Variants in RIMS2 observed in about 807,000 individuals in gnomAD.
The protein encoded by RIMS2 is regulating synaptic membrane exocytosis protein 2.
RIMS2 carries 59 observed loss-of-function variants against 174.4 expected under a neutral mutation model. The ratio of observed to expected loss-of-function variants is 0.34; its 90% CI spans 0.27 to 0.42. The LOEUF (loss-of-function observed/expected upper bound fraction) is 0.42, where lower values mean the gene tolerates loss of function less well. RIMS2 is among the 10% of genes least tolerant of loss of function. The pLI, the probability that RIMS2 is intolerant of heterozygous loss-of-function variation, is 1.00. For synonymous variants in RIMS2, 606 were observed against 572.5 expected (o/e 1.06, Z -0.84); for missense variants, 1,620 against 1,666.3 (o/e 0.97, Z 0.48).
At chr8:104,123,485 A>T (rs894273214) in intron 19 of RIMS2, among the ~76,000 whole-genome samples, 2 of 152,052 alleles carry the variant, frequency 1.3e-5, no homozygotes, top group Non-Finnish European at 2.9e-5. Context: ...GGTATTATTT[A>T]CACTAAATTT....
intron 14 of RIMS2, among the ~76,000 whole-genome samples, chr8:103,946,256 C>G (rs186822989): frequency 3.3e-4 from 51 of 152,286 alleles, no homozygotes; most frequent in African/African-American, 1.2e-3. Context: ...CTTTGGGAGG[C>G]TGAGGCAGGC....
intron 1 of RIMS2, among the ~76,000 whole-genome samples, chr8:103,570,540 T>C (rs1451972597): frequency 3.3e-5 from 5 of 152,156 alleles, no homozygotes; most frequent in Admixed American, 6.6e-5. Context: ...TAAATGTGTT[T>C]AGGGGTGGAA....
intron 2 of RIMS2, among the ~76,000 whole-genome samples, chr8:103,714,303 T>G (rs1212596823): frequency 6.6e-6 from 1 of 152,190 alleles, no homozygotes. Context: ...GATAATGTTT[T>G]ATGGAAGATA....
intron 1 of RIMS2, among the ~76,000 whole-genome samples, chr8:103,576,375 AG>A (rs1490132522): frequency 7.2e-5 from 11 of 152,246 alleles, no homozygotes; most frequent in Non-Finnish European, 1.6e-4. Context: ...ACAATAAGCC[AG>A]ATAGGTAAGA....
chr8:103,936,611 A>G (rs2081299138), exon 13 of RIMS2: 2 of 1,609,812 alleles, frequency 1.2e-6, no homozygotes, highest in Non-Finnish European at 8.5e-7. Context: ...AATGGAACCA[A>G]ACATTCATTT....
intron 19 of RIMS2, among the ~76,000 whole-genome samples, chr8:104,116,147 ATTCCTGT>A (rs2098274211): frequency 6.6e-6 from 1 of 152,200 alleles, no homozygotes; most frequent in Admixed American, 6.6e-5. Context: ...TTTCTAAAGT[ATTCCTGT>A]TAATGAAGGT....
chr8:104,033,613 T>A (rs2096447222), intron 19 of RIMS2, among the ~76,000 whole-genome samples: 2 of 151,978 alleles, frequency 1.3e-5, no homozygotes, highest in Non-Finnish European at 2.9e-5. Flanking sequence ...TGAAAATGAT[T>A]ATAGTTTTTT....
At chr8:103,684,134 G>A (rs1309480730) in intron 1 of RIMS2, among the ~76,000 whole-genome samples, 2 of 152,086 alleles carry the variant, frequency 1.3e-5, no homozygotes, top group Non-Finnish European at 2.9e-5. Flanking sequence ...AGTTGAGTGA[G>A]TTTTGACAAA....
chr8:104,221,379 A>G (rs1369438036), intron 19 of RIMS2, among the ~76,000 whole-genome samples: 1 of 152,142 alleles, frequency 6.6e-6, no homozygotes, highest in Non-Finnish European at 1.5e-5. Flanking sequence ...AGTTATTTTC[A>G]TGACTCATTT....
At chr8:104,060,011 G>A (rs993722798) in intron 19 of RIMS2, among the ~76,000 whole-genome samples, 4 of 151,866 alleles carry the variant, frequency 2.6e-5, no homozygotes, top group African/African-American at 7.3e-5. Context: ...TGTTCATCAA[G>A]GATATTGGTC....
At chr8:104,009,799 T>C (rs1420266896) in intron 17 of RIMS2, among the ~76,000 whole-genome samples, 1 of 152,184 alleles carries the variant, frequency 6.6e-6, no homozygotes. Context: ...CATTTACTTA[T>C]GACATCTTTC....
At chr8:103,903,418 A>G (rs2073656526) in intron 4 of RIMS2, among the ~76,000 whole-genome samples, 1 of 151,514 alleles carries the variant, frequency 6.6e-6, no homozygotes, top group Non-Finnish European at 1.5e-5. Context: ...AACCCAAAGT[A>G]ATGAAAAACA....
chr8:103,788,594 G>A (rs1000696236), intron 3 of RIMS2, among the ~76,000 whole-genome samples: 1 of 151,912 alleles, frequency 6.6e-6, no homozygotes, highest in African/African-American at 2.4e-5. Context: ...GGGGTCAGGG[G>A]TCAGGGACCC....
intron 1 of RIMS2, among the ~76,000 whole-genome samples, chr8:103,524,889 A>G (rs1833257092): frequency 6.6e-6 from 1 of 152,186 alleles, no homozygotes; most frequent in South Asian, 2.1e-4. Flanking sequence ...TGGAATACTG[A>G]TGCTGCTCCT....
chr8:103,588,835 G>A (rs1397697612), intron 1 of RIMS2, among the ~76,000 whole-genome samples: 1 of 151,840 alleles, frequency 6.6e-6, no homozygotes, highest in African/African-American at 2.4e-5. Context: ...AAGATATTTA[G>A]GATATTGGTC....
At chr8:103,599,214 A>G (rs1271823347) in intron 1 of RIMS2, among the ~76,000 whole-genome samples, 6 of 151,796 alleles carry the variant, frequency 4.0e-5, no homozygotes, top group African/African-American at 1.5e-4. Context: ...GATTTTATTC[A>G]AATACAAATG....
intron 19 of RIMS2, among the ~76,000 whole-genome samples, chr8:104,189,420 G>A (rs1163502653): frequency 6.6e-6 from 1 of 151,688 alleles, no homozygotes; most frequent in African/African-American, 2.4e-5. Context: ...ACTCACTTAG[G>A]TGTGTCCCTT....
At chr8:103,702,082 C>T (rs2097173809) in intron 2 of RIMS2, among the ~76,000 whole-genome samples, 1 of 152,114 alleles carries the variant, frequency 6.6e-6, no homozygotes, top group Admixed American at 6.6e-5. Context: ...CCTTTCTCTG[C>T]ATCCTTGTTA....
intron 1 of RIMS2, among the ~76,000 whole-genome samples, chr8:103,543,749 G>A (rs571096767): frequency 7.9e-5 from 12 of 152,094 alleles, no homozygotes; most frequent in Non-Finnish European, 1.8e-4. Context: ...ATGGGCAAAG[G>A]GCAATCTCTT....
Sources: allele counts gnomAD v4.1 joint callset (sites outside exome capture counted in the v4.1 genomes callset), GRCh38; gene constraint gnomAD v4.1.1; transcripts MANE v1.5; gene names NCBI Gene and HGNC (gene_info 2026-07-23, HGNC 2026-07-21).